Variants in ARHGEF2 observed in about 807,000 individuals in gnomAD.
The protein encoded by ARHGEF2 is rho guanine nucleotide exchange factor 2.
In ARHGEF2, 22 loss-of-function variants were observed where a neutral mutation model predicts 121.0. That is an observed-to-expected ratio of 0.18 (90% CI 0.13 to 0.26). The LOEUF is 0.26. ARHGEF2 is among the 10% of genes least tolerant of loss of function. The pLI is 1.00. For synonymous variants in ARHGEF2, 487 were observed against 530.0 expected, an observed-to-expected ratio of 0.92 and a Z score of 1.11; for missense variants, 907 against 1,336.0, an observed-to-expected ratio of 0.68 and a Z score of 5.01.
In ARHGEF2 at chr1:155,952,683, A is replaced by C. The variant is rs1359855556; in HGVS notation, c.1929T>G (p.Ser643=). 6.2e-7 allele frequency: 1 copy of C among 1,614,204 alleles called. No individual in the cohort carries two copies. The highest frequency in any genetic ancestry group is 8.5e-7 in the Non-Finnish European group (1 of 1,180,022). ...CGCCACGAGGGGACTCAAGGGACTC[A>C]GAGCGGAAAAGGCCCCTGGGCAGGG... ...LPTLPRGLFR[S]ESLESPRGER... Residue 643 remains serine, a synonymous_variant, in exon 15 of 22, where the codon TCT becomes TCG. Transcript: ENST00000361247.
upstream of ARHGEF2, chr1:155,978,816 G>A (rs1473848272): frequency 5.2e-6 from 5 of 959,092 alleles, no homozygotes; most frequent in Non-Finnish European, 3.7e-6. The surrounding 1 kb of genome is among the most constrained non-coding windows in gnomAD (Gnocchi z 4.1). Flanking sequence ...ACCCAGCCCC[G>A]CAGCCCTCGC....
At position 155,962,915 on chromosome 1, in the gene ARHGEF2, G is replaced by C. The variant is rs769023996; in HGVS notation, c.975+18C>G. 1.9e-6 allele frequency: 3 copies of C among 1,613,792 alleles called. No homozygotes were observed. The highest frequency in any genetic ancestry group is 2.7e-5 in the African/African-American group (2 of 74,908). On this transcript the variant is annotated intron_variant, in intron 8 of 21. Transcript: ENST00000361247. This position sits in a 1 kb window ranked among gnomAD's most constrained non-coding sequence, Gnocchi z 5.8. ...CCTCCTTCCATGAATGTCACCCAGG[G>C]GTCCTGCCTTTTCCCACCTGGCTGA... is the stretch of plus-strand genomic sequence containing the variant.
chr1:155,978,485 G>T lies in ARHGEF2; in HGVS notation c.-58C>A. On this transcript the variant is annotated 5_prime_UTR_variant, in exon 1 of 22. Coordinates refer to ENST00000361247, the MANE Select transcript of ARHGEF2 (RefSeq NM_001162383.2). The surrounding 1 kb of genome is among the most constrained non-coding windows in gnomAD (Gnocchi z 4.1). ...CGGACCCCGGCGTCCTGTATTGTTGGGGGAAGGCGGGGGGAGGGGTTCGGC... is the reference window on the plus strand; with the variant it reads ...CGGACCCCGGCGTCCTGTATTGTTGTGGGAAGGCGGGGGGAGGGGTTCGGC... The T allele has an allele frequency of 7.3e-7, 1 of 1,371,086 alleles. No homozygotes were observed. 84.9% of individuals were successfully genotyped at this position (1,371,086 alleles called of 1,614,324 possible).
chr1:155,961,605 T>C lies in ARHGEF2; in HGVS notation c.1468+56A>G. The C allele has an allele frequency of 1.9e-6, 3 of 1,574,714 alleles. No individual in the cohort carries two copies. Among genetic ancestry groups the C allele is most frequent in the South Asian group, 2.3e-5 (2 of 87,994 alleles). The stretch of plus-strand genomic sequence containing the variant: ...AGGTTGATTCTAAGACCTGCAGGCA[T>C]CTCCCACTCTCCATCTGACTTTGAA... On this transcript the variant is annotated intron_variant, in intron 11 of 21. Transcript: ENST00000361247. The surrounding 1 kb of genome is among the most constrained non-coding windows in gnomAD (Gnocchi z 4.7).
chr1:155,974,004 A>T (rs1465554948), intron 1 of ARHGEF2, among the ~76,000 whole-genome samples: 1 of 151,660 alleles, frequency 6.6e-6, no homozygotes, highest in African/African-American at 2.4e-5. Context: ...TCTCCAAGCA[A>T]GCCCTAAGCT....
chr1:155,962,825 C>T lies in ARHGEF2; in HGVS notation c.976-107G>A. The T allele has an allele frequency of 6.3e-7, 1 of 1,595,706 alleles. No individual in the cohort carries two copies. Among genetic ancestry groups the T allele is most frequent in the Admixed American group, 1.7e-5 (1 of 58,926 alleles). ...CAAACAGGCTGGCTTCCTGTTTCTCCAGCTCTCCCTGGCTCCCCTCCAACC... is the reference window on the plus strand; with the variant it reads ...CAAACAGGCTGGCTTCCTGTTTCTCTAGCTCTCCCTGGCTCCCCTCCAACC... On this transcript the variant is annotated intron_variant, in intron 8 of 21. Coordinates refer to ENST00000361247, the MANE Select transcript of ARHGEF2 (RefSeq NM_001162383.2). This position sits in a 1 kb window ranked among gnomAD's most constrained non-coding sequence, Gnocchi z 5.8.
At chr1:155,966,009 A>G (rs554334638) in intron 4 of ARHGEF2, among the ~76,000 whole-genome samples, 2 of 152,306 alleles carry the variant, frequency 1.3e-5, no homozygotes, top group East Asian at 1.9e-4. Context: ...AAAGACAAAA[A>G]GACTTGTCCA....
At position 155,961,807 on chromosome 1, in the gene ARHGEF2, C is replaced by T. The variant is rs752620262; in HGVS notation, c.1322G>A (p.Arg441His). The change falls in exon 11 of 22, where the codon CGT becomes CAT. Residue 441 changes from arginine (R) to histidine (H), a missense_variant. Around this residue, in one of 2 missense-constraint regions of ARHGEF2, gnomAD observed 475 missense variants for 776.5 expected, o/e 0.61. Coordinates refer to ENST00000361247, the MANE Select transcript of ARHGEF2 (RefSeq NM_001162383.2). This position sits in a 1 kb window ranked among gnomAD's most constrained non-coding sequence, Gnocchi z 4.7. Reference sequence around the variant, plus strand: ...CATGCGGTTGTAGATCTCCTGCAGACGGGCCCCTTTCTCCAGCTGATAAAT... The same window carrying T: ...CATGCGGTTGTAGATCTCCTGCAGATGGGCCCCTTTCTCCAGCTGATAAAT... ...EGIYQLEKGARLQEIYNRMDP... is the reference protein window; with the variant it reads ...EGIYQLEKGAHLQEIYNRMDP... 6 of 1,613,926 alleles carry T rather than the reference C, an allele frequency of 3.7e-6. No individual in the cohort carries two copies. Among genetic ancestry groups the T allele is most frequent in the Non-Finnish European group, 4.2e-6 (5 of 1,180,004 alleles).
In ARHGEF2 at chr1:155,958,402, A is replaced by G. The variant is rs1387439448; in HGVS notation, c.1469-6T>C. ...CATCAGCAGCACTAGCACATCTGGA[A>G]GGGGATGAAGGTGGGAGAACAGTCA... On this transcript the variant is annotated splice_polypyrimidine_tract_variant and splice_region_variant and intron_variant, in intron 11 of 21. Transcript: ENST00000361247. The G allele has an allele frequency of 5.0e-6, 8 of 1,612,544 alleles. No homozygotes were observed. In the Admixed American group the frequency reaches 1.0e-4, roughly 20 times the overall value.
At position 155,950,743 on chromosome 1, in the gene ARHGEF2, T is replaced by C; in HGVS notation, c.2703+86A>G. On this transcript the variant is annotated intron_variant, in intron 20 of 21. Coordinates refer to ENST00000361247, the MANE Select transcript of ARHGEF2 (RefSeq NM_001162383.2). The surrounding 1 kb of genome is among the most constrained non-coding windows in gnomAD (Gnocchi z 5.2). ...GTCAGTTGACTGATTGCATTTGGGC[T>C]CAAATCCCCAATGGCCCAATTTCTT... The C allele has an allele frequency of 7.3e-7, 1 of 1,368,072 alleles. No homozygotes were observed. Among genetic ancestry groups the C allele is most frequent in the African/African-American group, 1.5e-5 (1 of 68,820 alleles). 84.7% of individuals were successfully genotyped at this position (1,368,072 alleles called of 1,614,324 possible).
At chr1:155,957,338 T>C (rs1430776926) in intron 13 of ARHGEF2, among the ~76,000 whole-genome samples, 12 of 152,232 alleles carry the variant, frequency 7.9e-5, no homozygotes, top group Admixed American at 7.9e-4. Flanking sequence ...TTTTCATTCA[T>C]TTTTAGAAAA....
intron 13 of ARHGEF2, 126 bp from the exon 14 acceptor site, chr1:155,955,095 C>A: frequency 1.4e-6 from 1 of 712,018 alleles, no homozygotes; most frequent in Non-Finnish European, 2.4e-6. Context: ...CAGCCTCACA[C>A]CCTAGCTTTA....
upstream of ARHGEF2, chr1:155,978,930 C>T (rs1485779206): frequency 1.0e-6 from 1 of 985,844 alleles, no homozygotes. This position sits in a 1 kb window ranked among gnomAD's most constrained non-coding sequence, Gnocchi z 4.1. Flanking sequence ...TTTAAAGACC[C>T]GCAGGCAGGA....
chr1:155,969,525 C>G, intron 1 of ARHGEF2: 1 of 1,387,352 alleles, frequency 7.2e-7, no homozygotes, highest in Non-Finnish European at 9.3e-7. Flanking sequence ...TTCTGGGTCC[C>G]TGACCTACCT....
chr1:155,954,811 T>C (rs1676344214), intron 14 of ARHGEF2, 91 bp downstream of exon 14: 1 of 1,262,448 alleles, frequency 7.9e-7, no homozygotes, highest in Admixed American at 1.9e-5. Flanking sequence ...CCAGCCCTCA[T>C]AGAGCCATCT....
rs1298122383 is a variant in ARHGEF2 at position 155,978,347 on chromosome 1, A to T, written c.63+18T>A. The stretch of plus-strand genomic sequence containing the variant: ...CACCCGAGGACCGCGGCGAAAGGAG[A>T]GGGGTTTCCGAGCCCACCTTGCTCG... On this transcript the variant is annotated intron_variant, in intron 1 of 21. Transcript: ENST00000361247. The surrounding 1 kb of genome is among the most constrained non-coding windows in gnomAD (Gnocchi z 4.1). 4 of 1,503,080 alleles carry T rather than the reference A, an allele frequency of 2.7e-6. No individual in the cohort carries two copies. The highest frequency in any genetic ancestry group is 3.6e-6 in the Non-Finnish European group (4 of 1,113,926). 93.1% of individuals were successfully genotyped at this position (1,503,080 alleles called of 1,614,324 possible).
At chr1:155,975,781 C>T (rs1381690725) in intron 1 of ARHGEF2, among the ~76,000 whole-genome samples, 1 of 152,130 alleles carries the variant, frequency 6.6e-6, no homozygotes, top group Non-Finnish European at 1.5e-5. Flanking sequence ...ATCCCTGGAC[C>T]TCTGGTCCCT....
intron 21 of ARHGEF2, among the ~76,000 whole-genome samples, chr1:155,949,303 C>T (rs1027176937): frequency 9.3e-5 from 14 of 150,322 alleles, no homozygotes; most frequent in Non-Finnish European, 1.3e-4. Context: ...TAAAATAGAC[C>T]GGGTGCAGTG....
At chr1:155,955,950 C>T (rs868312980) in intron 13 of ARHGEF2, among the ~76,000 whole-genome samples, 4 of 151,818 alleles carry the variant, frequency 2.6e-5, no homozygotes, top group Non-Finnish European at 5.9e-5. Context: ...TCCAGTGGTC[C>T]GCCTGTCTCA....
Sources: gnomAD v4.1 joint callset for allele counts (sites outside exome capture counted in the v4.1 genomes callset) on GRCh38, gnomAD v4.1.1 for gene constraint, gnomAD v4.1.1 regional missense constraint, Gnocchi (gnomAD v3.1) non-coding constraint, MANE v1.5 for transcripts, NCBI Gene and HGNC (gene_info 2026-07-23, HGNC 2026-07-21) for gene names.